Variants in CSMD3 observed in about 807,000 individuals in gnomAD.
CSMD3 encodes the protein CUB and sushi domain-containing protein 3.
In CSMD3, 177 loss-of-function variants were observed where a neutral mutation model predicts 435.2. The observed-to-expected ratio is 0.41, with a 90% CI of 0.36 to 0.46. The LOEUF (loss-of-function observed/expected upper bound fraction) is 0.46, where lower values mean the gene tolerates loss of function less well. Ranked by LOEUF, CSMD3 falls within the 20% of genes least tolerant of loss-of-function variation. The probability of loss-of-function intolerance (pLI) is 0.34; values close to 1 mark genes in which losing one functional copy is unlikely to be tolerated. For synonymous variants in CSMD3, 1,656 were observed against 1,520.5 expected (o/e 1.09, Z -2.07); for missense variants, 4,265 against 4,504.6 (o/e 0.95, Z 1.52).
At chr8:112,883,668 T>C (rs988146584) in intron 10 of CSMD3, among the ~76,000 whole-genome samples, 3 of 151,956 alleles carry the variant, frequency 2.0e-5, no homozygotes. Context: ...TCATGGTACA[T>C]TTGTCAAAAC....
At chr8:113,434,053 C>T (rs2094690827) in intron 1 of CSMD3, among the ~76,000 whole-genome samples, 1 of 152,182 alleles carries the variant, frequency 6.6e-6, no homozygotes, top group Non-Finnish European at 1.5e-5. Context: ...CAGCCCCACC[C>T]GAGTGGTTCA....
chr8:112,943,007 A>G (rs1375734769), intron 9 of CSMD3, among the ~76,000 whole-genome samples: 6 of 151,702 alleles, frequency 4.0e-5, no homozygotes, highest in Admixed American at 2.0e-4. Context: ...TCAGAGCTTT[A>G]GACTTTAGCT....
chr8:113,015,592 C>T (rs1050947232), intron 6 of CSMD3, among the ~76,000 whole-genome samples: 1 of 151,738 alleles, frequency 6.6e-6, no homozygotes, highest in African/African-American at 2.4e-5. Flanking sequence ...ATATGAATGC[C>T]TATAGCTATG....
intron 22 of CSMD3, among the ~76,000 whole-genome samples, chr8:112,607,601 T>A (rs889099061): frequency 6.6e-6 from 1 of 151,932 alleles, no homozygotes; most frequent in African/African-American, 2.4e-5. Context: ...CAAACCAAAT[T>A]CAACAGTGCC....
In CSMD3 at chr8:112,650,242, A is replaced by G. The variant is rs1408089549; in HGVS notation, c.3112T>C (p.Ser1038Pro). The G allele has an allele frequency of 6.2e-7, 1 of 1,613,852 alleles. No homozygotes were observed. The highest frequency in any genetic ancestry group is 1.1e-5 in the South Asian group (1 of 91,064). Reference sequence around the variant, plus strand: ...TCTTCATGACTCAACCTGTATCCTGAATCACAACTAAATGAAACAGTAGAG... The same window carrying G: ...TCTTCATGACTCAACCTGTATCCTGGATCACAACTAAATGAAACAGTAGAG... ...IGSTVSFSCDSGYRLSHEEPL... is the reference protein window; with the variant it reads ...IGSTVSFSCDPGYRLSHEEPL... The change falls in exon 19 of 71, where the codon TCA becomes CCA. Residue 1038 changes from serine (S) to proline (P), a missense_variant. Coordinates refer to ENST00000297405, the MANE Select transcript of CSMD3 (RefSeq NM_198123.2).
intron 32 of CSMD3, among the ~76,000 whole-genome samples, chr8:112,469,198 A>C (rs979683837): frequency 1.3e-5 from 2 of 150,726 alleles, no homozygotes; most frequent in Non-Finnish European, 3.0e-5. Flanking sequence ...TTGGTACCAC[A>C]TGACCTGTAA....
intron 1 of CSMD3, among the ~76,000 whole-genome samples, chr8:113,427,419 A>C (rs2094642109): frequency 6.6e-6 from 1 of 150,862 alleles, no homozygotes; most frequent in African/African-American, 2.4e-5. Flanking sequence ...AATTCTGATC[A>C]GGATTTTGGG....
At chr8:112,828,534 G>C (rs2132471251) in intron 12 of CSMD3, among the ~76,000 whole-genome samples, 1 of 152,000 alleles carries the variant, frequency 6.6e-6, no homozygotes, top group Non-Finnish European at 1.5e-5. Context: ...TTTGCTTTCG[G>C]CCACCATTGT....
chr8:113,398,184 T>A (rs992775373), intron 1 of CSMD3, among the ~76,000 whole-genome samples: 1 of 152,218 alleles, frequency 6.6e-6, no homozygotes, highest in South Asian at 2.1e-4. Flanking sequence ...ACTTTTATTC[T>A]TCACATTTGG....
chr8:112,846,237 A>ACATGTTAAAAAAGAAATATTCTTTTTTC, intron 11 of CSMD3, among the ~76,000 whole-genome samples: 1 of 151,660 alleles, frequency 6.6e-6, no homozygotes, highest in Middle Eastern at 3.4e-3. Context: ...ATTCTTTTTT[A>ACATGTTAAAAAAGAAATATTCTTTTTTC]ACATGTTAAA....
chr8:113,288,078 G>T (rs186751078), intron 2 of CSMD3, among the ~76,000 whole-genome samples: 49 of 151,810 alleles, frequency 3.2e-4, no homozygotes, highest in African/African-American at 1.2e-3. Context: ...GTGTTCCTTT[G>T]ATTTCTAGCA....
rs546892363 is a variant in CSMD3, at chr8:112,863,338, T to C, written c.1634-4072A>G. ...TTTATTATATTATAATTAAACTTCTTCTACAAATTGGTTTCATATGGGGCA... is the reference window on the plus strand; with the variant it reads ...TTTATTATATTATAATTAAACTTCTCCTACAAATTGGTTTCATATGGGGCA... On this transcript the variant is annotated intron_variant, in intron 10 of 70. Transcript: ENST00000297405. Among the ~76,000 whole-genome samples, 142 of 151,966 alleles carry C rather than the reference T, an allele frequency of 9.3e-4. 1 individual carries two copies. Among genetic ancestry groups the C allele is most frequent in the Non-Finnish European group, 1.6e-3 (108 of 67,840 alleles).
chr8:113,389,265 A>G (rs2133143800), intron 1 of CSMD3, among the ~76,000 whole-genome samples: 1 of 151,740 alleles, frequency 6.6e-6, no homozygotes, highest in East Asian at 1.9e-4. Context: ...TCTCATAAGG[A>G]AATTTATCCT....
At chr8:112,970,333 T>C (rs1330902165) in intron 7 of CSMD3, among the ~76,000 whole-genome samples, 1 of 148,032 alleles carries the variant, frequency 6.8e-6, no homozygotes, top group Non-Finnish European at 1.5e-5. Flanking sequence ...GAGGCGGAGC[T>C]TGCAGTGAGC....
rs2130989887 is a variant in CSMD3 at position 112,517,193 on chromosome 8, C to T, written c.4597G>A (p.Val1533Ile). 7.4e-6 allele frequency: 12 copies of T among 1,613,596 alleles called. No homozygotes were observed. The highest frequency in any genetic ancestry group is 1.0e-5 in the Non-Finnish European group (12 of 1,179,808). Residue 1533 changes from valine (V) to isoleucine (I), a missense_variant, in exon 28 of 71, where the codon GTC becomes ATC. Physicochemically the swap from Val to Ile is conservative, Grantham distance 29 (BLOSUM62 3). Transcript: ENST00000297405. Reference protein sequence around the residue: ...SVATACRDPGVPMNGTRNGDG... With the variant: ...SVATACRDPGIPMNGTRNGDG... The stretch of plus-strand genomic sequence containing the variant: ...CCATTTCGAGTCCCATTCATGGGGA[C>T]CCCTGGGTCACGACACGCAGTGGCA...
At chr8:113,290,776 CATT>C (rs2132528235) in intron 2 of CSMD3, among the ~76,000 whole-genome samples, 1 of 151,632 alleles carries the variant, frequency 6.6e-6, no homozygotes, top group Admixed American at 6.6e-5. Context: ...TTCAAATGAT[CATT>C]ATTTTCTTGT....
intron 38 of CSMD3, among the ~76,000 whole-genome samples, chr8:112,378,477 A>C (rs1382797098): frequency 6.6e-6 from 1 of 152,206 alleles, no homozygotes; most frequent in African/African-American, 2.4e-5. Context: ...ATGGAGTACT[A>C]TTCATCCATA....
chr8:112,629,919 G>T (rs1189793432), intron 22 of CSMD3, among the ~76,000 whole-genome samples: 1 of 152,152 alleles, frequency 6.6e-6, no homozygotes, highest in Admixed American at 6.5e-5. Flanking sequence ...AGATTCACCA[G>T]AGAGACACCC....
chr8:112,306,332 A>G (rs1418907291), intron 50 of CSMD3, 140 bp from the exon 51 acceptor site: 6 of 691,052 alleles, frequency 8.7e-6, no homozygotes, highest in Non-Finnish European at 1.3e-5. Flanking sequence ...AATCACAGAA[A>G]TACTTTCCGA....
Sources: gnomAD v4.1 joint callset for allele counts (sites outside exome capture counted in the v4.1 genomes callset) on GRCh38, gnomAD v4.1.1 for gene constraint, MANE v1.5 for transcripts, NCBI Gene and HGNC (gene_info 2026-07-23, HGNC 2026-07-21) for gene names.